The following DLGAP1 variants were observed in gnomAD, a reference collection of about 807,000 sequenced individuals.
DLGAP1 encodes the protein disks large-associated protein 1.
A neutral mutation model predicts 90.8 loss-of-function variants in DLGAP1; 11 were observed. That is an observed-to-expected ratio of 0.12 (90% confidence interval 0.08 to 0.20). DLGAP1 has a LOEUF of 0.20. DLGAP1 is among the 10% of genes least tolerant of loss of function. The pLI is 1.00. For synonymous variants in DLGAP1, 558 were observed against 540.7 expected (o/e 1.03, Z -0.44); for missense variants, 1,050 against 1,333.8 (o/e 0.79, Z 3.31).
chr18:3,557,466 GGGCT>G (rs1475928900), intron 9 of DLGAP1, among the ~76,000 whole-genome samples: 2 of 151,602 alleles, frequency 1.3e-5, no homozygotes, highest in Admixed American at 1.3e-4. Context: ...AGGTTGCAGT[GGGCT>G]GAGATCACAC....
In DLGAP1 at chr18:3,729,105, G is replaced by A. The variant is rs762286764; in HGVS notation, c.1591+30C>T. 1.9e-6 allele frequency: 3 copies of A among 1,579,536 alleles called. No homozygotes were observed. Among genetic ancestry groups the A allele is most frequent in the Admixed American group, 3.4e-5 (2 of 58,928 alleles). ...CAGTCGTGCCATAGCCAGCACAGGG[G>A]CCAGGCTGGCTGAGGGCCCGCGCAC... On this transcript the variant is annotated intron_variant, in intron 7 of 12. Transcript: ENST00000315677. This position sits in a 1 kb window ranked among gnomAD's most constrained non-coding sequence, Gnocchi z 6.2.
chr18:4,149,314 A>G (rs1208535323), intron 2 of DLGAP1, among the ~76,000 whole-genome samples: 2 of 152,372 alleles, frequency 1.3e-5, no homozygotes, highest in East Asian at 3.9e-4. Context: ...TTAGTGTCGA[A>G]ACAGAATTCA....
rs147146990 is a variant in DLGAP1, at chr18:3,739,901, C to T, written c.1350+2434G>A. On this transcript the variant is annotated intron_variant, in intron 6 of 12. Transcript: ENST00000315677. The stretch of plus-strand genomic sequence containing the variant: ...TATTTTACCTAAGGCCGAATGGCTA[C>T]GTCATGGAATTGCAGTGCTTGACCT... Among the ~76,000 whole-genome samples the T allele has an allele frequency of 4.0e-3, 615 of 152,264 alleles. 4 individuals carry two copies. Among genetic ancestry groups the T allele is most frequent in the African/African-American group, 0.014 (591 of 41,566 alleles).
intron 3 of DLGAP1, among the ~76,000 whole-genome samples, chr18:4,004,672 A>C (rs1033324753): frequency 2.0e-5 from 3 of 152,216 alleles, no homozygotes; most frequent in African/African-American, 4.8e-5. Flanking sequence ...CCAGTGTGTG[A>C]GAGTTTCAGC....
At chr18:4,210,210 G>A (rs983304070) in intron 1 of DLGAP1, among the ~76,000 whole-genome samples, 4 of 152,186 alleles carry the variant, frequency 2.6e-5, no homozygotes, top group Non-Finnish European at 5.9e-5. Flanking sequence ...TCCCTGAAGG[G>A]TGGCACCAGT....
intron 9 of DLGAP1, among the ~76,000 whole-genome samples, chr18:3,543,950 A>G (rs1251092587): frequency 4.0e-5 from 6 of 151,770 alleles, no homozygotes; most frequent in African/African-American, 1.5e-4. Flanking sequence ...TCAATGCATG[A>G]CTATCCAAGA....
In DLGAP1 at chr18:4,348,400, A is replaced by ATGTGTATGTG. The variant is rs71368742; in HGVS notation, c.-267+106605_-267+106606insCACATACACA. ...CAGGTGCCTCAGGATGAACTCAGGA[A>ATGTGTATGTG]TGTGTGTGTGTGTGTGTGTGTGTGT... On this transcript the variant is annotated intron_variant, in intron 1 of 12. Coordinates refer to ENST00000315677, the MANE Select transcript of DLGAP1 (RefSeq NM_004746.4). Among the ~76,000 whole-genome samples, 193 of 133,562 alleles carry ATGTGTATGTG rather than the reference A, an allele frequency of 1.4e-3. 3 individuals are homozygous for ATGTGTATGTG. Among genetic ancestry groups the ATGTGTATGTG allele is most frequent in the African/African-American group, 5.7e-3 (185 of 32,714 alleles). The allele number at this position is 133,562 out of a possible 152,430, so 87.6% of individuals were successfully genotyped here.
intron 1 of DLGAP1, among the ~76,000 whole-genome samples, chr18:4,433,737 T>C (rs1023244783): frequency 2.0e-5 from 3 of 152,188 alleles, no homozygotes; most frequent in African/African-American, 7.2e-5. Flanking sequence ...CTGTTAGAGA[T>C]TTCAGGGCAT....
chr18:3,750,482 C>T lies in DLGAP1; in HGVS notation c.1173-7970G>A, dbSNP rs369950701. 1.8e-4 allele frequency among the ~76,000 whole-genome samples: 28 copies of T among 152,242 alleles called. No individual in the cohort carries two copies. In the East Asian group the frequency reaches 5.2e-3, roughly 28 times the overall value. ...GGATTTATTTTCCTTTGGATATCTA[C>T]CTGGTAGTGGGATTGCTGGGTCGAA... On this transcript the variant is annotated intron_variant, in intron 5 of 12. Coordinates refer to ENST00000315677, the MANE Select transcript of DLGAP1 (RefSeq NM_004746.4).
At chr18:3,892,834 T>C (rs2071507358) in intron 3 of DLGAP1, among the ~76,000 whole-genome samples, 1 of 150,206 alleles carries the variant, frequency 6.7e-6, no homozygotes, top group East Asian at 1.9e-4. Flanking sequence ...TCCTGTTCCA[T>C]ATTTTGTTCA....
At chr18:4,220,272 TAAA>T (rs2078047501) in intron 1 of DLGAP1, among the ~76,000 whole-genome samples, 1 of 111,226 alleles carries the variant, frequency 9.0e-6, no homozygotes. Flanking sequence ...AGACAGTACA[TAAA>T]ATCTAAATCT....
chr18:3,540,981 A>G (rs1290358514), intron 9 of DLGAP1, among the ~76,000 whole-genome samples: 1 of 152,180 alleles, frequency 6.6e-6, no homozygotes, highest in African/African-American at 2.4e-5. Context: ...CTGTCACTAT[A>G]GGAACCCTGG....
chr18:3,943,324 G>T (rs780852980), intron 3 of DLGAP1, among the ~76,000 whole-genome samples: 1 of 152,090 alleles, frequency 6.6e-6, no homozygotes, highest in Non-Finnish European at 1.5e-5. Context: ...TTCACAGATC[G>T]CCAGGCTTTG....
At chr18:4,216,263 T>C (rs1467355300) in intron 1 of DLGAP1, among the ~76,000 whole-genome samples, 1 of 148,840 alleles carries the variant, frequency 6.7e-6, no homozygotes, top group East Asian at 2.1e-4. Context: ...GAGAACAGCA[T>C]GAGTGTAACC....
At chr18:3,767,630 T>C (rs2064312398) in intron 5 of DLGAP1, among the ~76,000 whole-genome samples, 1 of 152,038 alleles carries the variant, frequency 6.6e-6, no homozygotes, top group Non-Finnish European at 1.5e-5. Flanking sequence ...TGAACATTAA[T>C]GTAATCTATT....
chr18:3,651,221 T>G (rs1048434736), intron 7 of DLGAP1, among the ~76,000 whole-genome samples: 1 of 151,782 alleles, frequency 6.6e-6, no homozygotes, highest in East Asian at 2.0e-4. Flanking sequence ...TAGCTGGGCA[T>G]GGTGGCAGGC....
At chr18:4,017,545 CAAAT>C (rs2074542971) in intron 2 of DLGAP1, among the ~76,000 whole-genome samples, 1 of 152,126 alleles carries the variant, frequency 6.6e-6, no homozygotes, top group African/African-American at 2.4e-5. Context: ...TGCTCCCAAA[CAAAT>C]AAACATCAGT....
chr18:3,688,645 ACACACACACACACACACACAC>A (rs1567965522), intron 7 of DLGAP1, among the ~76,000 whole-genome samples: 10 of 150,318 alleles, frequency 6.7e-5, no homozygotes, highest in East Asian at 1.9e-4. Flanking sequence ...ACACACACAC[ACACACACACACACACACACAC>A]ACCCTACCAA....
chr18:4,204,196 G>T (rs1329357203), intron 1 of DLGAP1, among the ~76,000 whole-genome samples: 1 of 152,168 alleles, frequency 6.6e-6, no homozygotes, highest in Non-Finnish European at 1.5e-5. Context: ...AAAACTAGAA[G>T]AGTTTGAATA....
Sources: gnomAD v4.1 joint callset for allele counts (sites outside exome capture counted in the v4.1 genomes callset) on GRCh38, gnomAD v4.1.1 for gene constraint, Gnocchi (gnomAD v3.1) non-coding constraint, MANE v1.5 for transcripts, NCBI Gene and HGNC (gene_info 2026-07-23, HGNC 2026-07-21) for gene names.